The following SYPL2 variants were observed in gnomAD, a reference collection of about 807,000 sequenced individuals.
The protein encoded by SYPL2 is synaptophysin like 2.
In SYPL2, 24 loss-of-function variants were observed where a neutral mutation model predicts 31.3. The ratio of observed to expected loss-of-function variants is 0.77; its 90% confidence interval spans 0.56 to 1.08. The LOEUF is 1.08. Ranked by LOEUF, SYPL2 falls within the 50% of genes least tolerant of loss-of-function variation. SYPL2 has a pLI of 0.00. For synonymous variants in SYPL2, 144 were observed against 143.1 expected (o/e 1.01, Z -0.05); for missense variants, 342 against 360.1 (o/e 0.95, Z 0.41).
Position 109,481,224 on chromosome 1 carries a change from C to A in SYPL2, c.*1676C>A, listed in dbSNP as rs2101010317. 1.3e-5 allele frequency: 2 copies of A among 152,736 alleles called. No homozygotes were observed. The highest frequency in any genetic ancestry group is 3.4e-3 in the Middle Eastern group (1 of 294). 9.5% of individuals were successfully genotyped at this position (152,736 alleles called of 1,614,324 possible). ...GATTTACATCCCCAAATGCTTGAGT[C>A]CCTCAGTGAAAGAATTAGTTTTTGT... On this transcript the variant is annotated 3_prime_UTR_variant, in exon 6 of 6. Coordinates refer to ENST00000369872, the MANE Select transcript of SYPL2 (RefSeq NM_001040709.2).
chr1:109,475,574 C>G lies in SYPL2; in HGVS notation c.130-7C>G, dbSNP rs746766454. The G allele has an allele frequency of 6.2e-7, 1 of 1,613,866 alleles. No homozygotes were observed. The highest frequency in any genetic ancestry group is 1.3e-5 in the African/African-American group (1 of 75,074). On this transcript the variant is annotated splice_region_variant and splice_polypyrimidine_tract_variant and intron_variant, in intron 2 of 5. Coordinates refer to ENST00000369872, the MANE Select transcript of SYPL2 (RefSeq NM_001040709.2). ...CTGACTCTCAAAGAGGCTTCACTCTCTCTCAGCTCTTTGCTATTTTCGCCT... is the reference window on the plus strand; with the variant it reads ...CTGACTCTCAAAGAGGCTTCACTCTGTCTCAGCTCTTTGCTATTTTCGCCT...
intron 2 of SYPL2, among the ~76,000 whole-genome samples, chr1:109,473,438 G>T (rs1356844617): frequency 6.6e-6 from 1 of 152,202 alleles, no homozygotes; most frequent in Non-Finnish European, 1.5e-5. Context: ...GATCTGCAAG[G>T]CCAGGCGCTG....
Position 109,467,073 on chromosome 1 carries a change from C to G in SYPL2, c.69C>G (p.Leu23=), listed in dbSNP as rs545789101. The change falls in exon 2 of 6, where the codon CTC becomes CTG. Residue 23 remains leucine (L), a synonymous_variant. Coordinates refer to ENST00000369872, the MANE Select transcript of SYPL2 (RefSeq NM_001040709.2). ...KSPRQQVDRL[L]VGLRWRRLEE... ...TGTCTCCGCAGGTGGACCGCCTACT[C>G]GTGGGGCTGCGCTGGCGGCGGCTGG... 1.9e-6 allele frequency: 3 copies of G among 1,545,388 alleles called. No individual in the cohort carries two copies. The highest frequency in any genetic ancestry group is 8.7e-7 in the Non-Finnish European group (1 of 1,146,048).
In SYPL2 at chr1:109,477,882, G is replaced by A; in HGVS notation, c.521G>A (p.Gly174Asp). 6.2e-7 allele frequency: 1 copy of A among 1,614,160 alleles called. No homozygotes were observed. Among genetic ancestry groups the A allele is most frequent in the Non-Finnish European group, 8.5e-7 (1 of 1,180,026 alleles). Residue 174 changes from glycine (G) to aspartate (D), a missense_variant, in exon 5 of 6, where the codon GGC becomes GAC. Physicochemically the swap from Gly to Asp is moderately conservative, Grantham distance 94. Transcript: ENST00000369872. ...GTAGCTGCAGCTGCCTGGGGCAAGG[G>A]CCTGACCGATGTCAAGGGGGCCACA... ...WLVAAAAWGK[G>D]LTDVKGATRP...
In SYPL2 at chr1:109,478,698, A is replaced by C. The variant is rs1044443564; in HGVS notation, c.649-680A>C. On this transcript the variant is annotated intron_variant, in intron 5 of 5. Coordinates refer to ENST00000369872, the MANE Select transcript of SYPL2 (RefSeq NM_001040709.2). The surrounding 1 kb of genome is among the most constrained non-coding windows in gnomAD (Gnocchi z 4.0). ...CCTGCTTATGGTTCCCCCCCAAAAA[A>C]ATTTTATTGTAGAAATGTTCACAGG... Among the ~76,000 whole-genome samples the C allele has an allele frequency of 2.6e-5, 4 of 152,128 alleles. No individual in the cohort carries two copies.
intron 2 of SYPL2, among the ~76,000 whole-genome samples, chr1:109,473,932 CAG>C (rs573361006): frequency 4.0e-4 from 60 of 151,788 alleles, no homozygotes; most frequent in African/African-American, 1.4e-3. Context: ...ACTCAGAGAG[CAG>C]AGTGACTTAT....
Position 109,478,018 on chromosome 1 carries a change from T to C in SYPL2, c.648+9T>C. 1 of 1,613,656 alleles carries C rather than the reference T, an allele frequency of 6.2e-7. No homozygotes were observed. The highest frequency in any genetic ancestry group is 1.1e-5 in the South Asian group (1 of 91,018). On this transcript the variant is annotated intron_variant, in intron 5 of 5. Transcript: ENST00000369872. The surrounding 1 kb of genome is among the most constrained non-coding windows in gnomAD (Gnocchi z 4.0). ...TGGCCAACATCTCCGTGGTGAGACC[T>C]GTGGCCACTGCAGGAAGCAGCACCA...
At chr1:109,475,532 T>C (rs1488230379) in intron 2 of SYPL2, 49 bp from the exon 3 acceptor site, 3 of 1,596,356 alleles carry the variant, frequency 1.9e-6, no homozygotes, top group Non-Finnish European at 2.6e-6. Context: ...TTCTCGACTT[T>C]GGCCAGTTGA....
In SYPL2 at chr1:109,476,884, T is replaced by C. The variant is rs778891493; in HGVS notation, c.363T>C (p.Leu121=). ...CACCCGCCGAGTTCTTCGTGACCCT[T>C]GGCATCTTTTCCTTCTTCTATACCA... The part of the protein sequence containing the change: ...FSAPAEFFVT[L]GIFSFFYTMA... Residue 121 remains leucine (L), a synonymous_variant, in exon 4 of 6, where the codon CTT becomes CTC. Coordinates refer to ENST00000369872, the MANE Select transcript of SYPL2 (RefSeq NM_001040709.2). 12 of 1,614,106 alleles carry C rather than the reference T, an allele frequency of 7.4e-6. No homozygotes were observed. The South Asian group carries it at 1.2e-4, about 16-fold the overall frequency.
rs1004191036 is a variant in SYPL2 at position 109,477,056 on chromosome 1, G to GTTGT, written c.456+79_456+80insTTGT. 1.7e-5 allele frequency: 27 copies of GTTGT among 1,546,416 alleles called. No homozygotes were observed. In the East Asian group the frequency reaches 3.6e-4, roughly 21 times the overall value. On this transcript the variant is annotated intron_variant, in intron 4 of 5. Transcript: ENST00000369872. ...GGGTTGAGGTCAGAACTGGAGCAGA[G>GTTGT]GACAAGCATGGCGGCTTCCACCCCC...
intron 2 of SYPL2, among the ~76,000 whole-genome samples, chr1:109,471,138 A>C (rs1655819951): frequency 6.6e-6 from 1 of 152,160 alleles, no homozygotes; most frequent in Non-Finnish European, 1.5e-5. Context: ...ACTTTGGGAA[A>C]GTGACTTAAT....
chr1:109,477,897 A>AG lies in SYPL2; in HGVS notation c.541dup (p.Ala181GlyfsTer85), dbSNP rs778687454. 9 of 1,614,174 alleles carry AG rather than the reference A, an allele frequency of 5.6e-6. No homozygotes were observed. Among genetic ancestry groups the AG allele is most frequent in the South Asian group, 2.2e-5 (2 of 91,076 alleles). On this transcript the variant is annotated frameshift_variant, in exon 5 of 6. Coordinates refer to ENST00000369872, the MANE Select transcript of SYPL2 (RefSeq NM_001040709.2). LOFTEE classifies it high-confidence loss of function. ...TGGGGCAAGGGCCTGACCGATGTCA[A>AG]GGGGGCCACACGACCATCCAGCTTG...
chr1:109,466,868 C>T lies in SYPL2; in HGVS notation c.25C>T (p.Arg9Cys), dbSNP rs1366926588. Residue 9 changes from arginine (R) to cysteine (C), a missense_variant, in exon 1 of 6, where the codon CGC becomes TGC. Coordinates refer to ENST00000369872, the MANE Select transcript of SYPL2 (RefSeq NM_001040709.2). Reference sequence around the variant, plus strand: ...CATGTCCTCGACCGAGAGCGCCGGCCGCACGGCGGACAAGTCGCCGCGCCA... The same window carrying T: ...CATGTCCTCGACCGAGAGCGCCGGCTGCACGGCGGACAAGTCGCCGCGCCA... MSSTESAG[R>C]TADKSPRQQV... is the part of the protein sequence containing the mutation. 2.0e-6 allele frequency: 3 copies of T among 1,529,250 alleles called. No individual in the cohort carries two copies. Among genetic ancestry groups the T allele is most frequent in the Non-Finnish European group, 2.6e-6 (3 of 1,143,988 alleles). The allele number at this position is 1,529,250 out of a possible 1,614,324, so 94.7% of individuals were successfully genotyped here. A position where few individuals can be genotyped will look rare whatever the true frequency, so the allele number is the denominator to read the frequency against.
intron 2 of SYPL2, among the ~76,000 whole-genome samples, chr1:109,471,713 C>T (rs1370810079): frequency 6.6e-6 from 1 of 152,100 alleles, no homozygotes; most frequent in African/African-American, 2.4e-5. Flanking sequence ...CCACACCCGG[C>T]CTGAACTTTT....
At position 109,477,889 on chromosome 1, in the gene SYPL2, C is replaced by T. The variant is rs376811687; in HGVS notation, c.528C>T (p.Thr176=). Residue 176 remains threonine, a synonymous_variant, in exon 5 of 6, where the codon ACC becomes ACT. Coordinates refer to ENST00000369872, the MANE Select transcript of SYPL2 (RefSeq NM_001040709.2). The stretch of plus-strand genomic sequence containing the variant: ...CAGCTGCCTGGGGCAAGGGCCTGAC[C>T]GATGTCAAGGGGGCCACACGACCAT... The part of the protein sequence containing the change: ...VAAAAWGKGL[T]DVKGATRPSS... 3.7e-6 allele frequency: 6 copies of T among 1,614,170 alleles called. No homozygotes were observed. The highest frequency in any genetic ancestry group is 2.2e-5 in the East Asian group (1 of 44,874).
Position 109,477,989 on chromosome 1 carries a change from G to T in SYPL2, c.628G>T (p.Gly210Cys). The change falls in exon 5 of 6, where the codon GGC becomes TGC. Residue 210 changes from glycine to cysteine, a missense_variant. Gly to Cys is a radical substitution (Grantham distance 159). Coordinates refer to ENST00000369872, the MANE Select transcript of SYPL2 (RefSeq NM_001040709.2). ...VCSAGATPSM[G>C]LANISVLFGF... ...CAGTGCCGGGGCCACGCCCTCTATG[G>T]GCCTGGCCAACATCTCCGTGGTGAG... 1 of 1,614,184 alleles carries T rather than the reference G, an allele frequency of 6.2e-7. No individual in the cohort carries two copies.
Position 109,466,871 on chromosome 1 carries a change from A to G in SYPL2, c.28A>G (p.Thr10Ala). The change falls in exon 1 of 6, where the codon ACG (threonine) becomes GCG (alanine). Residue 10 changes from threonine to alanine, a missense_variant. Transcript: ENST00000369872. ...GTCCTCGACCGAGAGCGCCGGCCGC[A>G]CGGCGGACAAGTCGCCGCGCCAGCA... MSSTESAGR[T>A]ADKSPRQQVD... The G allele has an allele frequency of 6.5e-7, 1 of 1,528,708 alleles. No individual in the cohort carries two copies. Among genetic ancestry groups the G allele is most frequent in the Non-Finnish European group, 8.7e-7 (1 of 1,143,728 alleles). 94.7% of individuals were successfully genotyped at this position (1,528,708 alleles called of 1,614,324 possible).
At chr1:109,476,658 C>T in intron 3 of SYPL2, 118 bp from the exon 4 acceptor site, 2 of 1,042,266 alleles carry the variant, frequency 1.9e-6, no homozygotes, top group Admixed American at 4.7e-5. Flanking sequence ...TGCCTCCTTA[C>T]ATGACCCCTT....
At chr1:109,466,959 C>A (rs1655659878) in intron 1 of SYPL2, 62 bp downstream of exon 1, 1 of 1,534,608 alleles carries the variant, frequency 6.5e-7, no homozygotes, top group Non-Finnish European at 8.7e-7. Context: ...GGGCTGCACA[C>A]TTATCCCACC....
Sources: gnomAD v4.1 joint callset for allele counts (sites outside exome capture counted in the v4.1 genomes callset) on GRCh38, gnomAD v4.1.1 for gene constraint, Gnocchi (gnomAD v3.1) non-coding constraint, MANE v1.5 for transcripts, NCBI Gene and HGNC (gene_info 2026-07-23, HGNC 2026-07-21) for gene names.